Variants in SPECC1 observed in about 807,000 individuals in gnomAD.
The protein encoded by SPECC1 is sperm antigen with calponin homology and coiled-coil domains 1, also known as cytospin-B.
In SPECC1, 62 loss-of-function variants were observed where a neutral mutation model predicts 104.1. That is an observed-to-expected ratio of 0.60 (90% confidence interval 0.49 to 0.74). The LOEUF (loss-of-function observed/expected upper bound fraction) is 0.74, where lower values mean the gene tolerates loss of function less well. SPECC1 is among the 30% of genes least tolerant of loss of function. SPECC1 has a pLI of 0.00. For missense variants in SPECC1, 1,306 were observed against 1,310.5 expected, an observed-to-expected ratio of 1.00 and a Z score of 0.05; for synonymous variants, 513 against 501.6, an observed-to-expected ratio of 1.02 and a Z score of -0.30.
intron 3 of SPECC1, among the ~76,000 whole-genome samples, chr17:20,161,040 G>A (rs9901796): frequency 0.57 from 86,362 of 151,860 alleles, 25,153 homozygotes; most frequent in Middle Eastern, 0.62. Context: ...GTGAAACCCC[G>A]TCTCTACTAA....
chr17:20,046,222 A>G (rs2045534194), intron 1 of SPECC1, among the ~76,000 whole-genome samples: 1 of 152,158 alleles, frequency 6.6e-6, no homozygotes, highest in South Asian at 2.1e-4. Flanking sequence ...CTGGGATTGC[A>G]GATTTGAGCC....
At chr17:20,038,069 T>C (rs906563432) in intron 1 of SPECC1, among the ~76,000 whole-genome samples, 1 of 152,156 alleles carries the variant, frequency 6.6e-6, no homozygotes, top group Non-Finnish European at 1.5e-5. Flanking sequence ...TTTCTAATTA[T>C]GCTTTCATTC....
intron 1 of SPECC1, among the ~76,000 whole-genome samples, chr17:20,061,399 C>T (rs546671920): frequency 1.3e-5 from 2 of 152,234 alleles, no homozygotes; most frequent in Admixed American, 6.5e-5. Context: ...ATAGGAATTC[C>T]CAGTGTAGCT....
chr17:20,183,151 T>C (rs981477024), intron 3 of SPECC1, among the ~76,000 whole-genome samples: 10 of 152,168 alleles, frequency 6.6e-5, no homozygotes, highest in Admixed American at 5.9e-4. Context: ...TCAACATCAG[T>C]AGTAATCAGA....
intron 3 of SPECC1, among the ~76,000 whole-genome samples, chr17:20,159,693 A>G (rs995143796): frequency 6.6e-6 from 1 of 152,206 alleles, no homozygotes; most frequent in Non-Finnish European, 1.5e-5. Flanking sequence ...TGCAGAATGG[A>G]TAAGATAAAT....
intron 1 of SPECC1, among the ~76,000 whole-genome samples, chr17:20,050,690 G>T (rs561706269): frequency 1.3e-5 from 2 of 152,198 alleles, no homozygotes; most frequent in African/African-American, 4.8e-5. Flanking sequence ...TGGCTCCTTG[G>T]TAATGTGGAA....
chr17:20,149,598 C>A (rs2031797299), intron 3 of SPECC1, among the ~76,000 whole-genome samples: 1 of 152,208 alleles, frequency 6.6e-6, no homozygotes, highest in African/African-American at 2.4e-5. Flanking sequence ...AAGCTTGCAC[C>A]TAGTTTCCTC....
chr17:20,041,189 A>T (rs1472549921), intron 1 of SPECC1, among the ~76,000 whole-genome samples: 1 of 151,944 alleles, frequency 6.6e-6, no homozygotes. Flanking sequence ...TTGTCTTTCC[A>T]TTCAATTTGG....
chr17:20,311,559 T>A (rs767302687), intron 14 of SPECC1, among the ~76,000 whole-genome samples: 1 of 151,928 alleles, frequency 6.6e-6, no homozygotes, highest in Non-Finnish European at 1.5e-5. Flanking sequence ...CCTGGCTAAT[T>A]TTTTTGTATT....
intron 1 of SPECC1, among the ~76,000 whole-genome samples, chr17:20,039,934 T>G (rs2045255320): frequency 6.6e-6 from 1 of 152,226 alleles, no homozygotes; most frequent in Non-Finnish European, 1.5e-5. Context: ...TTAGATCATT[T>G]ACATTTATGT....
intron 12 of SPECC1, among the ~76,000 whole-genome samples, chr17:20,282,296 G>A (rs565877076): frequency 3.3e-5 from 5 of 152,316 alleles, no homozygotes; most frequent in South Asian, 2.1e-4. Context: ...GGACACAGCC[G>A]TCCTCTCGCC....
chr17:20,116,013 A>T (rs978522728), intron 3 of SPECC1, among the ~76,000 whole-genome samples: 1 of 152,212 alleles, frequency 6.6e-6, no homozygotes, highest in Non-Finnish European at 1.5e-5. Flanking sequence ...CTGAAATTCT[A>T]TTAGAGACAA....
At position 20,262,348 on chromosome 17, in the gene SPECC1, A is replaced by G. The variant is rs11204299; in HGVS notation, c.2940+2054A>G. On this transcript the variant is annotated intron_variant, in intron 12 of 14. Coordinates refer to ENST00000395527, the MANE Select transcript of SPECC1 (RefSeq NM_001243439.2). The stretch of plus-strand genomic sequence containing the variant: ...GAATGGAATTCCTGGGCCATAGGGT[A>G]TGCATACAATCTAGTGGATAGTGCC... Among the ~76,000 whole-genome samples the G allele has an allele frequency of 7.2e-5, 11 of 152,362 alleles. No homozygotes were observed. In the East Asian group the frequency reaches 1.9e-3, roughly 27 times the overall value.
chr17:20,289,472 T>G (rs1425450840), intron 12 of SPECC1, among the ~76,000 whole-genome samples: 1 of 152,126 alleles, frequency 6.6e-6, no homozygotes, highest in Admixed American at 6.5e-5. Flanking sequence ...TGGCTAATTT[T>G]TTGTATTTTT....
At chr17:20,207,409 A>G (rs1161864389) in intron 4 of SPECC1, among the ~76,000 whole-genome samples, 3 of 152,212 alleles carry the variant, frequency 2.0e-5, no homozygotes, top group African/African-American at 7.2e-5. Flanking sequence ...GGGTTTTAAT[A>G]TCTTGTGGAG....
intron 1 of SPECC1, 112 bp from the exon 2 acceptor site, chr17:20,096,519 T>C: frequency 8.1e-7 from 1 of 1,233,592 alleles, no homozygotes; most frequent in South Asian, 1.5e-5. Flanking sequence ...TCATAGGTGC[T>C]CCTACTCTGT....
At position 20,071,898 on chromosome 17, in the gene SPECC1, GAC is replaced by G. The variant is rs754772853; in HGVS notation, c.-21-24731_-21-24730del. Among the ~76,000 whole-genome samples, 50 of 152,312 alleles carry G rather than the reference GAC, an allele frequency of 3.3e-4. No homozygotes were observed. The Middle Eastern group carries it at 0.024, about 73-fold the overall frequency. ...ATTTACAGTCTAATGAGGGAAGTAA[GAC>G]ATGATCACATGAAAGGCTTAATAAT... On this transcript the variant is annotated intron_variant, in intron 1 of 14. Coordinates refer to ENST00000395527, the MANE Select transcript of SPECC1 (RefSeq NM_001243439.2).
chr17:20,240,390 T>G (rs2039148704), intron 7 of SPECC1, among the ~76,000 whole-genome samples: 1 of 152,176 alleles, frequency 6.6e-6, no homozygotes, highest in Non-Finnish European at 1.5e-5. Flanking sequence ...TGAGCCTTTA[T>G]CATATTTTTC....
In SPECC1 at chr17:20,200,475, A is replaced by G. The variant is rs2036348964; in HGVS notation, c.284-3858A>G. On this transcript the variant is annotated intron_variant, in intron 3 of 14. Coordinates refer to ENST00000395527, the MANE Select transcript of SPECC1 (RefSeq NM_001243439.2). Reference sequence around the variant, plus strand: ...AGCCAGCCTCAGGAGGATGGTACACATAAGTGATGACGGGGTGGGAGCAGC... The same window carrying G: ...AGCCAGCCTCAGGAGGATGGTACACGTAAGTGATGACGGGGTGGGAGCAGC... Among the ~76,000 whole-genome samples the G allele has an allele frequency of 2.6e-5, 4 of 152,224 alleles. No individual in the cohort carries two copies. In the South Asian group the frequency reaches 8.3e-4, roughly 31 times the overall value.
Sources: allele counts gnomAD v4.1 joint callset (sites outside exome capture counted in the v4.1 genomes callset), GRCh38; gene constraint gnomAD v4.1.1; transcripts MANE v1.5; gene names NCBI Gene and HGNC (gene_info 2026-07-23, HGNC 2026-07-21).